The following SHQ1 variants were observed in gnomAD, a reference collection of about 807,000 sequenced individuals.
SHQ1 encodes SHQ1, H/ACA ribonucleoprotein assembly factor, also known as protein SHQ1 homolog.
In SHQ1, 49 loss-of-function variants were observed where a neutral mutation model predicts 53.8. That is an observed-to-expected ratio of 0.91 (90% confidence interval 0.72 to 1.16). SHQ1 has a LOEUF of 1.16. Ranked by LOEUF, SHQ1 falls within the 50% of genes most tolerant of loss-of-function variation. The pLI is 0.00. For missense variants in SHQ1, 738 were observed against 683.1 expected (o/e 1.08, Z -0.90); for synonymous variants, 243 against 251.0 (o/e 0.97, Z 0.30).
intron 4 of SHQ1, among the ~76,000 whole-genome samples, chr3:72,837,592 C>G (rs35058627): frequency 1.4e-3 from 219 of 152,296 alleles, no homozygotes; most frequent in Non-Finnish European, 2.7e-3. Flanking sequence ...ATGGACATCT[C>G]TTCATCTATA....
chr3:72,804,504 T>C (rs1256926976), intron 9 of SHQ1, among the ~76,000 whole-genome samples: 1 of 152,070 alleles, frequency 6.6e-6, no homozygotes, highest in Non-Finnish European at 1.5e-5. Context: ...ACTTACATTT[T>C]GTACCTTATC....
chr3:72,840,113 G>A (rs535001064), intron 4 of SHQ1, among the ~76,000 whole-genome samples: 5 of 151,616 alleles, frequency 3.3e-5, no homozygotes, highest in East Asian at 4.0e-4. Flanking sequence ...TTAGCCAGGC[G>A]TGGTGATGGG....
chr3:72,824,370 G>T, intron 6 of SHQ1, 54 bp downstream of exon 6: 1 of 1,595,930 alleles, frequency 6.3e-7, no homozygotes, highest in Non-Finnish European at 8.5e-7. Context: ...CAGTAAACGT[G>T]GTACACCATG....
chr3:72,783,891 T>G (rs1372352245), intron 10 of SHQ1, among the ~76,000 whole-genome samples: 1 of 152,142 alleles, frequency 6.6e-6, no homozygotes, highest in Non-Finnish European at 1.5e-5. Flanking sequence ...CAATTTCCAG[T>G]TCTTTAGTAA....
intron 4 of SHQ1, among the ~76,000 whole-genome samples, chr3:72,834,864 A>G (rs1320923578): frequency 1.3e-5 from 2 of 152,132 alleles, no homozygotes; most frequent in African/African-American, 4.8e-5. Flanking sequence ...ACTAGGTATT[A>G]GTTTCCTCTT....
intron 10 of SHQ1, among the ~76,000 whole-genome samples, chr3:72,758,048 A>G (rs1191077326): frequency 6.6e-6 from 1 of 152,226 alleles, no homozygotes; most frequent in East Asian, 1.9e-4. Flanking sequence ...AACCAGTTCC[A>G]TACTTTAGGT....
intron 9 of SHQ1, among the ~76,000 whole-genome samples, chr3:72,805,207 G>A (rs561609023): frequency 6.6e-6 from 1 of 152,136 alleles, no homozygotes; most frequent in Non-Finnish European, 1.5e-5. Context: ...TAATATCACA[G>A]TATTACAATG....
chr3:72,763,901 G>A (rs1276085144), intron 10 of SHQ1, among the ~76,000 whole-genome samples: 1 of 151,978 alleles, frequency 6.6e-6, no homozygotes, highest in Non-Finnish European at 1.5e-5. Flanking sequence ...GTGGTAATTT[G>A]TTACAGCAGC....
intron 10 of SHQ1, chr3:72,753,465 T>C: frequency 1.0e-6 from 1 of 985,318 alleles, no homozygotes; most frequent in Non-Finnish European, 1.2e-6. Flanking sequence ...TGTGCAGGGA[T>C]TGCCCCCCAC....
At chr3:72,817,450 T>A (rs993822011) in intron 6 of SHQ1, 66 bp from the exon 7 acceptor site, 6 of 1,429,198 alleles carry the variant, frequency 4.2e-6, no homozygotes, top group East Asian at 4.7e-5. Context: ...AATGGAAGAT[T>A]TGTCAAAATT....
At chr3:72,812,865 AG>A in intron 8 of SHQ1, 71 bp from the exon 9 acceptor site, 6 of 1,573,474 alleles carry the variant, frequency 3.8e-6, no homozygotes, top group Non-Finnish European at 3.5e-6. Flanking sequence ...ACAATGAAAT[AG>A]GAAGCTTTTC....
chr3:72,789,222 TGA>T (rs1161112014), intron 10 of SHQ1, among the ~76,000 whole-genome samples: 1 of 152,150 alleles, frequency 6.6e-6, no homozygotes, highest in East Asian at 1.9e-4. Context: ...ATACGGTCAA[TGA>T]GAAGTAGAGC....
downstream of SHQ1, among the ~76,000 whole-genome samples, chr3:72,746,307 C>A (rs1019605087): frequency 1.3e-5 from 2 of 152,144 alleles, no homozygotes; most frequent in Non-Finnish European, 2.9e-5. Context: ...CCTATTCTTG[C>A]CCCAACTTAT....
At chr3:72,785,621 C>T (rs976994572) in intron 10 of SHQ1, among the ~76,000 whole-genome samples, 1 of 152,174 alleles carries the variant, frequency 6.6e-6, no homozygotes, top group African/African-American at 2.4e-5. Context: ...CAAGGATAAA[C>T]TATGATCCAA....
intron 4 of SHQ1, among the ~76,000 whole-genome samples, chr3:72,834,164 A>C (rs933131831): frequency 4.6e-5 from 7 of 152,238 alleles, no homozygotes; most frequent in Non-Finnish European, 1.0e-4. Flanking sequence ...CATTTAGCTT[A>C]AGTAGTATCA....
chr3:72,797,412 T>C (rs1706658992), intron 9 of SHQ1, among the ~76,000 whole-genome samples: 1 of 152,224 alleles, frequency 6.6e-6, no homozygotes, highest in East Asian at 1.9e-4. Flanking sequence ...CAGTTGTTTA[T>C]TCTTTTCTAT....
chr3:72,785,195 G>C (rs1037184258), intron 10 of SHQ1, among the ~76,000 whole-genome samples: 1 of 152,230 alleles, frequency 6.6e-6, no homozygotes, highest in South Asian at 2.1e-4. Context: ...CCATATGCAA[G>C]AGCAAGCCGA....
intron 10 of SHQ1, chr3:72,773,493 A>G (rs1192524678): frequency 7.6e-6 from 2 of 263,808 alleles, no homozygotes; most frequent in South Asian, 4.7e-5. Flanking sequence ...TAAAAAAAAA[A>G]AAAAGAAAAA....
chr3:72,807,746 C>T (rs1706995282), intron 9 of SHQ1, among the ~76,000 whole-genome samples: 1 of 152,194 alleles, frequency 6.6e-6, no homozygotes, highest in Non-Finnish European at 1.5e-5. Flanking sequence ...ATTGATCAGT[C>T]ACAAGCCCTG....
Sources: gnomAD v4.1 joint callset for allele counts (sites outside exome capture counted in the v4.1 genomes callset) on GRCh38, gnomAD v4.1.1 for gene constraint, MANE v1.5 for transcripts, NCBI Gene and HGNC (gene_info 2026-07-23, HGNC 2026-07-21) for gene names.